The following PLB1 variants were observed in gnomAD, a reference collection of about 807,000 sequenced individuals.
The protein encoded by PLB1 is phospholipase B1, membrane-associated.
PLB1 carries 242 observed loss-of-function variants against 227.4 expected under a neutral mutation model. The ratio of observed to expected loss-of-function variants is 1.06; its 90% CI spans 0.96 to 1.18. The LOEUF (loss-of-function observed/expected upper bound fraction) is 1.18, where lower values mean the gene tolerates loss of function less well. PLB1 is among the 50% of genes most tolerant of loss of function. The probability of loss-of-function intolerance (pLI) is 0.00; values close to 1 mark genes in which losing one functional copy is unlikely to be tolerated. For synonymous variants in PLB1, 757 were observed against 682.2 expected (o/e 1.11, Z -1.71); for missense variants, 1,858 against 1,816.3 (o/e 1.02, Z -0.42).
At position 28,626,470 on chromosome 2, in the gene PLB1, A is replaced by G. The variant is rs1195578470; in HGVS notation, c.3622A>G (p.Ile1208Val). ...AGACTGGAAGCTGGTCACACTCTTC[A>G]TTGGGGTCAACGACTTGTGTCATTA... The part of the protein sequence containing the change: ...EKDWKLVTLF[I>V]GVNDLCHYCE... Residue 1208 changes from isoleucine to valine, a missense_variant, in exon 51 of 58, where the codon ATT becomes GTT. By Grantham distance (29) the Ile-to-Val change is conservative (BLOSUM62 3). Transcript: ENST00000327757. The G allele has an allele frequency of 6.2e-7, 1 of 1,614,012 alleles. No individual in the cohort carries two copies. The highest frequency in any genetic ancestry group is 8.5e-7 in the Non-Finnish European group (1 of 1,180,014).
chr2:28,586,091 C>T (rs111481222), intron 26 of PLB1, among the ~76,000 whole-genome samples: 18 of 152,186 alleles, frequency 1.2e-4, no homozygotes, highest in African/African-American at 2.4e-4. Context: ...ATGAAACGAA[C>T]GTTTCCACTT....
intron 10 of PLB1, among the ~76,000 whole-genome samples, chr2:28,538,614 C>G (rs8179651): frequency 6.6e-6 from 1 of 151,728 alleles, no homozygotes; most frequent in Non-Finnish European, 1.5e-5. Context: ...TCCTTGAGTC[C>G]TCGGTGGCCC....
At chr2:28,538,448 C>A in intron 10 of PLB1, 67 bp downstream of exon 10, 1 of 1,465,086 alleles carries the variant, frequency 6.8e-7, no homozygotes, top group Non-Finnish European at 9.4e-7. Context: ...TGGCCTCCAC[C>A]GGGGTGGGGA....
Position 28,614,016 on chromosome 2 carries a change from T to G in PLB1, c.3130-15T>G, listed in dbSNP as rs770957076. Reference sequence around the variant, plus strand: ...GCTGTCAGATAACTTCTCCATGTGTTTTTTTTTCTCTTAGAATGAGCCCTT... The same window carrying G: ...GCTGTCAGATAACTTCTCCATGTGTGTTTTTTTCTCTTAGAATGAGCCCTT... On this transcript the variant is annotated splice_polypyrimidine_tract_variant and intron_variant, in intron 43 of 57. Transcript: ENST00000327757. The G allele has an allele frequency of 7.9e-5, 127 of 1,604,976 alleles. 4 individuals are homozygous for G. In the South Asian group the frequency reaches 1.2e-3, roughly 15 times the overall value.
At chr2:28,614,939 C>T (rs1229348370) in intron 44 of PLB1, among the ~76,000 whole-genome samples, 3 of 151,956 alleles carry the variant, frequency 2.0e-5, no homozygotes, top group Non-Finnish European at 2.9e-5. Context: ...TTACAATCTA[C>T]TGAGAAAGGT....
chr2:28,562,020 G>C (rs1676132377), intron 17 of PLB1, among the ~76,000 whole-genome samples: 1 of 152,166 alleles, frequency 6.6e-6, no homozygotes, highest in South Asian at 2.1e-4. Flanking sequence ...GAAATATCCA[G>C]AATAGATAAA....
Position 28,539,081 on chromosome 2 carries a change from C to T in PLB1, c.619-18C>T, listed in dbSNP as rs1672106611. ...CGACTTGGCAAATACTCACCTCCCTCTCTGTGTGTCCTCCTAGGTCCCCAG... is the reference window on the plus strand; with the variant it reads ...CGACTTGGCAAATACTCACCTCCCTTTCTGTGTGTCCTCCTAGGTCCCCAG... On this transcript the variant is annotated intron_variant, in intron 10 of 57. Coordinates refer to ENST00000327757, the MANE Select transcript of PLB1 (RefSeq NM_153021.5). 1 of 1,604,274 alleles carries T rather than the reference C, an allele frequency of 6.2e-7. No individual in the cohort carries two copies. Among genetic ancestry groups the T allele is most frequent in the Non-Finnish European group, 8.5e-7 (1 of 1,170,986 alleles).
chr2:28,630,163 C>T (rs879875473), intron 53 of PLB1, among the ~76,000 whole-genome samples: 3 of 152,138 alleles, frequency 2.0e-5, no homozygotes, highest in African/African-American at 7.2e-5. Context: ...GAGAGGCCCC[C>T]GGAACTTGAG....
At chr2:28,620,564 G>C in intron 47 of PLB1, 36 bp from the exon 48 acceptor site, 7 of 1,590,282 alleles carry the variant, frequency 4.4e-6, no homozygotes, top group Non-Finnish European at 6.0e-6. Flanking sequence ...GCAGCATGTT[G>C]GTGTGAGTTT....
chr2:28,598,230 C>A (rs571954352), intron 34 of PLB1, among the ~76,000 whole-genome samples, 182 bp downstream of exon 34: 9 of 152,238 alleles, frequency 5.9e-5, no homozygotes, highest in African/African-American at 2.2e-4. Context: ...AGATTTAGAG[C>A]CTGAAGATCT....
intron 55 of PLB1, among the ~76,000 whole-genome samples, chr2:28,632,477 C>T (rs1044762558): frequency 6.6e-6 from 1 of 152,050 alleles, no homozygotes; most frequent in African/African-American, 2.4e-5. Context: ...ATGGGTGGGT[C>T]CAATTCTTGT....
chr2:28,631,454 G>C (rs1688623884), intron 54 of PLB1, among the ~76,000 whole-genome samples: 1 of 152,184 alleles, frequency 6.6e-6, no homozygotes, highest in Admixed American at 6.5e-5. Flanking sequence ...AAGCCCCAAA[G>C]GGTTCTCATG....
intron 18 of PLB1, among the ~76,000 whole-genome samples, chr2:28,563,756 T>C (rs1214741347): frequency 6.6e-6 from 1 of 152,108 alleles, no homozygotes; most frequent in Non-Finnish European, 1.5e-5. Context: ...TAGACACAGC[T>C]TCCATTCAAC....
intron 29 of PLB1, among the ~76,000 whole-genome samples, chr2:28,590,342 G>T (rs1573231097): frequency 6.6e-6 from 1 of 152,174 alleles, no homozygotes; most frequent in Non-Finnish European, 1.5e-5. Flanking sequence ...GGGCAGGCAA[G>T]ATGAGCATGG....
chr2:28,597,222 C>A (rs1037945559), intron 33 of PLB1, among the ~76,000 whole-genome samples: 2 of 148,530 alleles, frequency 1.3e-5, no homozygotes, highest in African/African-American at 5.1e-5. Context: ...GGAGATCACA[C>A]CACTGCACTC....
At position 28,617,771 on chromosome 2, in the gene PLB1, T is replaced by C; in HGVS notation, c.3240T>C (p.Asn1080=). The stretch of plus-strand genomic sequence containing the variant: ...TGTGTACAGAGTGGAAGGCTTCCAA[T>C]AGTGTTCCAACCTCTGGTGAGTGAA... ...DFLCTEWKAS[N]SVPTSVHQLR... is the part of the protein sequence containing the mutation. Residue 1080 remains asparagine, a synonymous_variant, in exon 45 of 58, where the codon AAT becomes AAC. Coordinates refer to ENST00000327757, the MANE Select transcript of PLB1 (RefSeq NM_153021.5). The C allele has an allele frequency of 3.1e-6, 5 of 1,614,094 alleles. No homozygotes were observed. The highest frequency in any genetic ancestry group is 4.2e-6 in the Non-Finnish European group (5 of 1,179,898).
intron 1 of PLB1, among the ~76,000 whole-genome samples, chr2:28,513,954 T>G (rs1210936613): frequency 6.6e-6 from 1 of 152,266 alleles, no homozygotes; most frequent in African/African-American, 2.4e-5. Context: ...GTTTTGATAA[T>G]CAAATGAGAG....
intron 4 of PLB1, among the ~76,000 whole-genome samples, chr2:28,520,831 C>T (rs554938778): frequency 2.1e-3 from 314 of 152,040 alleles, no homozygotes; most frequent in Non-Finnish European, 2.4e-3. Context: ...AAAAATTAGC[C>T]GGGCATGGTC....
At chr2:28,543,697 G>A (rs1161864003) in intron 14 of PLB1, among the ~76,000 whole-genome samples, 1 of 152,218 alleles carries the variant, frequency 6.6e-6, no homozygotes, top group Non-Finnish European at 1.5e-5. Flanking sequence ...CGTGATGAAG[G>A]CCTGGGTTGG....
Sources: allele counts gnomAD v4.1 joint callset (sites outside exome capture counted in the v4.1 genomes callset), GRCh38; gene constraint gnomAD v4.1.1; transcripts MANE v1.5; gene names NCBI Gene and HGNC (gene_info 2026-07-23, HGNC 2026-07-21).